Variants in SGCZ observed in about 807,000 individuals in gnomAD.
The protein encoded by SGCZ is sarcoglycan zeta, also known as zeta-sarcoglycan.
In SGCZ, 40 loss-of-function variants were observed where a neutral mutation model predicts 41.3. That is an observed-to-expected ratio of 0.97 (90% CI 0.75 to 1.26). The LOEUF (loss-of-function observed/expected upper bound fraction) is 1.26. Ranked by LOEUF, SGCZ falls within the 50% of genes most tolerant of loss-of-function variation. The pLI, the probability that SGCZ is intolerant of heterozygous loss-of-function variation, is 0.00. For missense variants in SGCZ, 552 were observed against 369.8 expected (o/e 1.49, Z -4.04); for synonymous variants, 206 against 137.5 (o/e 1.50, Z -3.49).
chr8:14,955,763 C>T (rs568930013), intron 1 of SGCZ, among the ~76,000 whole-genome samples: 4 of 151,548 alleles, frequency 2.6e-5, no homozygotes, highest in African/African-American at 9.7e-5. Flanking sequence ...GGATATAATC[C>T]AAATATCACT....
intron 2 of SGCZ, among the ~76,000 whole-genome samples, chr8:14,365,310 C>T (rs1006053771): frequency 6.6e-6 from 1 of 151,946 alleles, no homozygotes; most frequent in African/African-American, 2.4e-5. Flanking sequence ...TAGTTAATTA[C>T]TTTAGTTAAA....
chr8:14,490,565 T>C (rs1801813869), intron 2 of SGCZ, among the ~76,000 whole-genome samples: 1 of 152,204 alleles, frequency 6.6e-6, no homozygotes, highest in Non-Finnish European at 1.5e-5. Flanking sequence ...GTTTCATTGA[T>C]GAGTATAAAA....
rs117461858 is a variant in SGCZ, at chr8:15,091,158, G to A, written c.39+146427C>T. Among the ~76,000 whole-genome samples, 35 of 152,244 alleles carry A rather than the reference G, an allele frequency of 2.3e-4. No homozygotes were observed. In the East Asian group the frequency reaches 6.2e-3, roughly 27 times the overall value. ...TATATTTTTTTGGCCAGGATAGATG[G>A]TAGATGGTTATACACTGTAAACAAA... is the stretch of plus-strand genomic sequence containing the variant. On this transcript the variant is annotated intron_variant, in intron 1 of 7. Coordinates refer to ENST00000382080, the MANE Select transcript of SGCZ (RefSeq NM_139167.4).
At chr8:14,504,969 C>A (rs981883799) in intron 2 of SGCZ, among the ~76,000 whole-genome samples, 1 of 152,024 alleles carries the variant, frequency 6.6e-6, no homozygotes. Flanking sequence ...TCTGAACTGT[C>A]TGTTGCATTG....
chr8:14,534,355 C>T (rs570855114), intron 2 of SGCZ, among the ~76,000 whole-genome samples: 4 of 152,048 alleles, frequency 2.6e-5, no homozygotes, highest in Non-Finnish European at 2.9e-5. Flanking sequence ...CTCTCTGAAA[C>T]TTTTAATACA....
At chr8:14,723,524 C>G (rs879394736) in intron 1 of SGCZ, among the ~76,000 whole-genome samples, 1 of 152,104 alleles carries the variant, frequency 6.6e-6, no homozygotes, top group Non-Finnish European at 1.5e-5. Flanking sequence ...GACAGCTCCA[C>G]GGAGCCTGGC....
chr8:14,403,186 T>A (rs1247975451), intron 2 of SGCZ, among the ~76,000 whole-genome samples: 1 of 150,276 alleles, frequency 6.7e-6, no homozygotes, highest in African/African-American at 2.5e-5. Context: ...AAGGAGATTT[T>A]GGGCTGAGAC....
At chr8:14,589,610 A>T (rs1789511861) in intron 1 of SGCZ, among the ~76,000 whole-genome samples, 1 of 152,156 alleles carries the variant, frequency 6.6e-6, no homozygotes, top group African/African-American at 2.4e-5. Flanking sequence ...TTGAGGGAGA[A>T]GTATGACTAA....
intron 1 of SGCZ, among the ~76,000 whole-genome samples, chr8:15,110,296 T>C (rs1806998150): frequency 6.6e-6 from 1 of 152,162 alleles, no homozygotes; most frequent in Admixed American, 6.6e-5. Context: ...GTCAGTATTA[T>C]CTGAAGATGA....
At chr8:14,172,528 T>A (rs141563509) in intron 4 of SGCZ, among the ~76,000 whole-genome samples, 108 of 152,296 alleles carry the variant, frequency 7.1e-4, no homozygotes, top group African/African-American at 2.5e-3. Context: ...AAAATGAATC[T>A]TGGACTTATT....
intron 2 of SGCZ, among the ~76,000 whole-genome samples, chr8:14,425,988 A>T (rs1799771699): frequency 6.6e-6 from 1 of 151,924 alleles, no homozygotes; most frequent in Admixed American, 6.6e-5. Flanking sequence ...TTATGTACCT[A>T]AATATTAATT....
intron 1 of SGCZ, among the ~76,000 whole-genome samples, chr8:14,873,002 T>C (rs1397215288): frequency 6.6e-6 from 1 of 152,166 alleles, no homozygotes; most frequent in African/African-American, 2.4e-5. Context: ...ACATAATCAA[T>C]TCATGATGTG....
chr8:14,538,927 G>C (rs368624542), intron 2 of SGCZ, among the ~76,000 whole-genome samples: 274 of 151,996 alleles, frequency 1.8e-3, no homozygotes, highest in African/African-American at 6.4e-3. Flanking sequence ...TTTAAATTAC[G>C]TGATGGTTAA....
Position 14,779,760 on chromosome 8 carries a change from C to A in SGCZ, c.40-224834G>T, listed in dbSNP as rs1349733667. On this transcript the variant is annotated intron_variant, in intron 1 of 7. Coordinates refer to ENST00000382080, the MANE Select transcript of SGCZ (RefSeq NM_139167.4). ...TGTGGGTGAAGCAAAAGGGATTCAA[C>A]AGTAGCAGAGCATATAAATAAATGA... is the stretch of plus-strand genomic sequence containing the variant. Among the ~76,000 whole-genome samples the A allele has an allele frequency of 5.9e-5, 9 of 152,224 alleles. No homozygotes were observed. The East Asian group carries it at 1.7e-3, about 29-fold the overall frequency.
chr8:15,035,693 G>A (rs955056301), intron 1 of SGCZ, among the ~76,000 whole-genome samples: 53 of 151,984 alleles, frequency 3.5e-4, no homozygotes, highest in Non-Finnish European at 2.4e-4. Context: ...GGTTAGCTAC[G>A]CTTCAGTAAA....
intron 1 of SGCZ, among the ~76,000 whole-genome samples, chr8:14,809,335 T>G (rs1801669106): frequency 6.6e-6 from 1 of 152,086 alleles, no homozygotes; most frequent in Admixed American, 6.6e-5. Flanking sequence ...TATGCCAGGA[T>G]CATGATGAAA....
intron 1 of SGCZ, among the ~76,000 whole-genome samples, chr8:15,003,619 T>C (rs1308184591): frequency 6.6e-6 from 1 of 152,186 alleles, no homozygotes; most frequent in African/African-American, 2.4e-5. Flanking sequence ...GCACGTCAAA[T>C]AGAAATCTAT....
intron 2 of SGCZ, among the ~76,000 whole-genome samples, chr8:14,358,396 T>C (rs11992179): frequency 0.015 from 2,243 of 152,230 alleles, 67 homozygotes; most frequent in African/African-American, 0.05. Context: ...TCATGTTTTT[T>C]CATTATGTTG....
At chr8:14,744,287 C>G (rs1799281570) in intron 1 of SGCZ, among the ~76,000 whole-genome samples, 1 of 152,068 alleles carries the variant, frequency 6.6e-6, no homozygotes, top group Admixed American at 6.6e-5. Flanking sequence ...TTGAAAACGC[C>G]AAATGTGCCT....
Sources: allele counts gnomAD v4.1 joint callset (sites outside exome capture counted in the v4.1 genomes callset), GRCh38; gene constraint gnomAD v4.1.1; transcripts MANE v1.5; gene names NCBI Gene and HGNC (gene_info 2026-07-23, HGNC 2026-07-21).